LRBA: variants seen among roughly 807,000 people sequenced by gnomAD.
The protein encoded by LRBA is LPS responsive beige-like anchor protein, also known as lipopolysaccharide-responsive and beige-like anchor protein.
In LRBA, 176 loss-of-function variants were observed where a neutral mutation model predicts 330.0. That is an observed-to-expected ratio of 0.53 (90% CI 0.47 to 0.60). The LOEUF (loss-of-function observed/expected upper bound fraction) is 0.60. Ranked by LOEUF, LRBA falls within the 20% of genes least tolerant of loss-of-function variation. The pLI, the probability that LRBA is intolerant of heterozygous loss-of-function variation, is 0.00. For missense variants in LRBA, 3,259 were observed against 3,444.8 expected, an observed-to-expected ratio of 0.95 and a Z score of 1.35; for synonymous variants, 1,230 against 1,193.0, an observed-to-expected ratio of 1.03 and a Z score of -0.64.
At chr4:150,828,810 G>A (rs1560878027) in intron 29 of LRBA, among the ~76,000 whole-genome samples, 189 bp from the exon 30 acceptor site, 1 of 151,794 alleles carries the variant, frequency 6.6e-6, no homozygotes, top group Non-Finnish European at 1.5e-5. Flanking sequence ...CAAGACAGAT[G>A]GTATAATAAA....
chr4:150,285,852 G>A, intron 54 of LRBA, 81 bp downstream of exon 54: 1 of 777,142 alleles, frequency 1.3e-6, no homozygotes, highest in Non-Finnish European at 1.9e-6. Flanking sequence ...TTAGAAAAAA[G>A]GTACCAAATT....
chr4:150,610,711 A>G (rs1775168840), intron 37 of LRBA, among the ~76,000 whole-genome samples: 1 of 152,324 alleles, frequency 6.6e-6, no homozygotes, highest in Non-Finnish European at 1.5e-5. Flanking sequence ...TGAGTAGGCT[A>G]GTAAGAACGC....
rs1738225470 is a variant in LRBA at position 150,962,245 on chromosome 4, C to A, written c.217-33180G>T. 3.3e-5 allele frequency among the ~76,000 whole-genome samples: 5 copies of A among 149,472 alleles called. 2 individuals are homozygous for A. Among genetic ancestry groups the A allele is most frequent in the African/African-American group, 1.3e-4 (5 of 38,858 alleles). Reference sequence around the variant, plus strand: ...ATCAGGAAAAATTTCAGGCCAGACACAGTGGCTCACACCTGTAATCCCAAC... The same window carrying A: ...ATCAGGAAAAATTTCAGGCCAGACAAAGTGGCTCACACCTGTAATCCCAAC... On this transcript the variant is annotated intron_variant, in intron 2 of 56. Coordinates refer to ENST00000651943, the MANE Select transcript of LRBA (RefSeq NM_001364905.1).
intron 40 of LRBA, among the ~76,000 whole-genome samples, chr4:150,524,313 T>G (rs1262396385): frequency 2.0e-5 from 3 of 152,212 alleles, no homozygotes; most frequent in African/African-American, 7.2e-5. Context: ...TTGTACTCCA[T>G]AATTTCTCAC....
chr4:150,501,515 G>C (rs1043428751), intron 40 of LRBA, among the ~76,000 whole-genome samples: 2 of 152,108 alleles, frequency 1.3e-5, no homozygotes, highest in African/African-American at 4.8e-5. Context: ...GGGCGGCTGA[G>C]GCAGGAGAAT....
intron 47 of LRBA, among the ~76,000 whole-genome samples, chr4:150,369,319 T>C (rs1739924501): frequency 6.6e-6 from 1 of 152,172 alleles, no homozygotes; most frequent in Admixed American, 6.5e-5. Context: ...CTCACAAAGA[T>C]GCATATATCT....
At chr4:150,582,337 A>G (rs953874744) in intron 40 of LRBA, 1 of 151,430 alleles carries the variant, frequency 6.6e-6, no homozygotes, top group Non-Finnish European at 1.5e-5. Flanking sequence ...AAAGAGGAAA[A>G]CTGCGATAAC....
At chr4:150,869,664 G>GC (rs1315428833) in intron 20 of LRBA, among the ~76,000 whole-genome samples, 8 of 152,132 alleles carry the variant, frequency 5.3e-5, no homozygotes, top group African/African-American at 1.9e-4. Context: ...TCTAGTCTGG[G>GC]CAACAGAGCA....
intron 22 of LRBA, among the ~76,000 whole-genome samples, chr4:150,854,933 A>G (rs1164691219): frequency 6.6e-6 from 1 of 152,190 alleles, no homozygotes; most frequent in Non-Finnish European, 1.5e-5. Flanking sequence ...GAGAATTAAG[A>G]GTGTAGGGAA....
intron 56 of LRBA, among the ~76,000 whole-genome samples, chr4:150,270,223 A>T (rs895822434): frequency 6.6e-6 from 1 of 152,246 alleles, no homozygotes; most frequent in Non-Finnish European, 1.5e-5. Flanking sequence ...GCATACACCC[A>T]AAAGGACTGT....
At chr4:150,295,238 G>C (rs74884817) in intron 53 of LRBA, among the ~76,000 whole-genome samples, 13,620 of 115,196 alleles carry the variant, frequency 0.12, 946 homozygotes, top group Admixed American at 0.29. Flanking sequence ...GTCTCACTCT[G>C]TTGCCCAGGC....
At chr4:150,768,367 G>A (rs1736070260) in intron 34 of LRBA, among the ~76,000 whole-genome samples, 1 of 152,064 alleles carries the variant, frequency 6.6e-6, no homozygotes, top group Non-Finnish European at 1.5e-5. Flanking sequence ...GGTGGCTGAG[G>A]GAAAGAGATG....
Position 151,001,238 on chromosome 4 carries a change from G to A in LRBA, c.216+13189C>T, listed in dbSNP as rs137915301. On this transcript the variant is annotated intron_variant, in intron 2 of 56. Coordinates refer to ENST00000651943, the MANE Select transcript of LRBA (RefSeq NM_001364905.1). ...CCACCACCAGGACTGAGGCACAAGCGGGGCATGTGTCCCCGACCGCCGACC... is the reference window on the plus strand; with the variant it reads ...CCACCACCAGGACTGAGGCACAAGCAGGGCATGTGTCCCCGACCGCCGACC... Among the ~76,000 whole-genome samples the A allele has an allele frequency of 1.1e-3, 175 of 152,252 alleles. 1 individual carries two copies. Among genetic ancestry groups the A allele is most frequent in the African/African-American group, 4.0e-3 (165 of 41,540 alleles).
intron 33 of LRBA, among the ~76,000 whole-genome samples, chr4:150,805,230 AAAGGAAAAGGAGAAGG>A (rs1388258532): frequency 3.5e-5 from 5 of 143,012 alleles, no homozygotes; most frequent in East Asian, 2.0e-4. Flanking sequence ...AAAGGAAAGG[AAAGGAAAAGGAGAAGG>A]AAAGGAGAAG....
intron 2 of LRBA, among the ~76,000 whole-genome samples, chr4:151,005,475 A>T (rs1244417580): frequency 1.4e-5 from 2 of 148,020 alleles, no homozygotes; most frequent in Non-Finnish European, 1.5e-5. Context: ...CCCTGTATAT[A>T]CCACATTAGA....
Position 150,435,161 on chromosome 4 carries a change from A to G in LRBA, c.7041+428T>C, listed in dbSNP as rs967212849. 2.0e-5 allele frequency among the ~76,000 whole-genome samples: 3 copies of G among 152,000 alleles called. No homozygotes were observed. The East Asian group carries it at 5.8e-4, about 30-fold the overall frequency. On this transcript the variant is annotated intron_variant, in intron 46 of 56. Coordinates refer to ENST00000651943, the MANE Select transcript of LRBA (RefSeq NM_001364905.1). ...GGAGTTCCAGACCAGTCTGGCCAAC[A>G]TGGTGAAACCCCATCTCTACTAAAA...
intron 16 of LRBA, among the ~76,000 whole-genome samples, chr4:150,894,172 A>G (rs1293421618): frequency 6.6e-6 from 1 of 152,156 alleles, no homozygotes; most frequent in Non-Finnish European, 1.5e-5. Context: ...AAATGCTACT[A>G]AATGTTGCAA....
intron 47 of LRBA, among the ~76,000 whole-genome samples, chr4:150,387,154 G>T (rs947810537): frequency 1.3e-5 from 2 of 151,016 alleles, no homozygotes; most frequent in Non-Finnish European, 2.9e-5. Context: ...CTAAATATTA[G>T]ACCTTTGTCA....
intron 42 of LRBA, among the ~76,000 whole-genome samples, chr4:150,479,071 C>A (rs945962948): frequency 2.0e-5 from 3 of 151,942 alleles, no homozygotes; most frequent in African/African-American, 7.3e-5. Flanking sequence ...ATCACTTCAG[C>A]CCAGGACTTT....
Sources: gnomAD v4.1 joint callset for allele counts (sites outside exome capture counted in the v4.1 genomes callset) on GRCh38, gnomAD v4.1.1 for gene constraint, MANE v1.5 for transcripts, NCBI Gene and HGNC (gene_info 2026-07-23, HGNC 2026-07-21) for gene names.